L3MBTL3: variants seen among roughly 807,000 people sequenced by gnomAD.
L3MBTL3 encodes the protein L3MBTL histone methyl-lysine binding protein 3.
In L3MBTL3, 27 loss-of-function variants were observed where a neutral mutation model predicts 102.3. The observed-to-expected ratio is 0.26, with a 90% CI of 0.19 to 0.36. The LOEUF (loss-of-function observed/expected upper bound fraction) is 0.36. L3MBTL3 is among the 10% of genes least tolerant of loss of function. L3MBTL3 has a pLI of 1.00. For missense variants in L3MBTL3, 798 were observed against 955.3 expected, an observed-to-expected ratio of 0.84 and a Z score of 2.17; for synonymous variants, 340 against 320.9, an observed-to-expected ratio of 1.06 and a Z score of -0.64.
At chr6:130,064,080 T>C (rs998664024) in intron 10 of L3MBTL3, among the ~76,000 whole-genome samples, 2 of 152,240 alleles carry the variant, frequency 1.3e-5, no homozygotes, top group East Asian at 3.9e-4. Flanking sequence ...TGGCGGTATG[T>C]CATTTTTTCC....
intron 2 of L3MBTL3, 79 bp downstream of exon 2, chr6:130,022,384 A>G (rs1272661731): frequency 1.3e-5 from 2 of 152,156 alleles, no homozygotes; most frequent in African/African-American, 4.8e-5. Flanking sequence ...CAGGAAGGAG[A>G]GTATGAGACT....
intron 8 of L3MBTL3, 76 bp downstream of exon 8, chr6:130,055,331 C>T: frequency 9.4e-7 from 1 of 1,068,958 alleles, no homozygotes; most frequent in South Asian, 1.5e-5. Context: ...AAATTTTAGT[C>T]ATGCCACTTA....
At chr6:130,065,743 CCTT>C (rs2114956747) in intron 10 of L3MBTL3, among the ~76,000 whole-genome samples, 1 of 152,294 alleles carries the variant, frequency 6.6e-6, no homozygotes, top group Admixed American at 6.5e-5. Context: ...GCCTATATGA[CCTT>C]CTAAATCAGA....
intron 22 of L3MBTL3, among the ~76,000 whole-genome samples, chr6:130,135,093 A>ATTTT (rs1787494431): frequency 4.3e-5 from 6 of 139,872 alleles, no homozygotes; most frequent in African/African-American, 1.6e-4. Context: ...TTTTTTTTAA[A>ATTTT]TCGAGATGGA....
chr6:130,067,775 G>T (rs1208707599), intron 11 of L3MBTL3, among the ~76,000 whole-genome samples: 2 of 152,116 alleles, frequency 1.3e-5, no homozygotes. Flanking sequence ...CTTTTTAAAG[G>T]AAATGTTAAC....
chr6:130,037,330 A>G (rs373852494), intron 2 of L3MBTL3, among the ~76,000 whole-genome samples: 1 of 152,200 alleles, frequency 6.6e-6, no homozygotes, highest in East Asian at 1.9e-4. Flanking sequence ...AGATTTTACC[A>G]GAAAAAACAG....
Position 130,092,879 on chromosome 6 carries a change from T to C in L3MBTL3, c.1633+20T>C, listed in dbSNP as rs373179718. 50 of 1,387,680 alleles carry C rather than the reference T, an allele frequency of 3.6e-5. No individual in the cohort carries two copies. In the African/African-American group the frequency reaches 6.0e-4, roughly 17 times the overall value. 86.0% of individuals were successfully genotyped at this position (1,387,680 alleles called of 1,614,324 possible). On this transcript the variant is annotated intron_variant, in intron 17 of 22. Coordinates refer to ENST00000361794, the MANE Select transcript of L3MBTL3 (RefSeq NM_032438.4). ...CTTTGAGTAAGAGACACGAATAGCT[T>C]GTATAAATGTTTCCATTTCCATATG...
intron 20 of L3MBTL3, among the ~76,000 whole-genome samples, chr6:130,128,297 C>A (rs774467408): frequency 7.9e-5 from 12 of 152,024 alleles, no homozygotes; most frequent in Non-Finnish European, 1.8e-4. Flanking sequence ...GAGCTTGGTC[C>A]AGGATTTAAA....
chr6:130,021,223 T>C (rs534733129), intron 1 of L3MBTL3, among the ~76,000 whole-genome samples: 2 of 152,214 alleles, frequency 1.3e-5, no homozygotes, highest in African/African-American at 4.8e-5. Flanking sequence ...GGGAGACCTC[T>C]AGTGGTTGAA....
intron 20 of L3MBTL3, among the ~76,000 whole-genome samples, chr6:130,130,150 C>CTT (rs374806610): frequency 0.093 from 14,182 of 152,218 alleles, 755 homozygotes; most frequent in African/African-American, 0.12. Flanking sequence ...CATGCAGAGG[C>CTT]AACCACAGAC....
At chr6:130,063,159 G>A (rs1278185907) in intron 10 of L3MBTL3, among the ~76,000 whole-genome samples, 4 of 152,134 alleles carry the variant, frequency 2.6e-5, no homozygotes, top group Non-Finnish European at 5.9e-5. Context: ...GTCTTAGGCA[G>A]AAGGAGGAGT....
intron 2 of L3MBTL3, among the ~76,000 whole-genome samples, chr6:130,023,119 G>A (rs1036825201): frequency 4.0e-5 from 6 of 151,298 alleles, no homozygotes; most frequent in Non-Finnish European, 4.4e-5. Flanking sequence ...TGCCCTCTCT[G>A]TCTTGAGTAA....
intron 15 of L3MBTL3, 66 bp downstream of exon 15, chr6:130,083,771 A>G: frequency 1.3e-6 from 1 of 793,426 alleles, no homozygotes; most frequent in Non-Finnish European, 2.1e-6. Context: ...TGAAGAACAG[A>G]ACAAGATGGT....
At chr6:130,043,236 TA>T (rs1780534194) in intron 3 of L3MBTL3, among the ~76,000 whole-genome samples, 1 of 152,194 alleles carries the variant, frequency 6.6e-6, no homozygotes, top group African/African-American at 2.4e-5. Flanking sequence ...AATGTTAAAG[TA>T]TTGAATAAAT....
At chr6:130,113,487 T>G (rs1431354815) in intron 19 of L3MBTL3, among the ~76,000 whole-genome samples, 3 of 152,228 alleles carry the variant, frequency 2.0e-5, no homozygotes, top group Non-Finnish European at 4.4e-5. Context: ...CTATTAAAAA[T>G]CACTTAATGT....
At chr6:130,090,614 G>C (rs1366703107) in intron 16 of L3MBTL3, among the ~76,000 whole-genome samples, 1 of 150,494 alleles carries the variant, frequency 6.6e-6, no homozygotes, top group Non-Finnish European at 1.5e-5. Flanking sequence ...TTCTTTTTTT[G>C]AGACAAGGTC....
At chr6:130,023,950 G>A (rs1451640266) in intron 2 of L3MBTL3, among the ~76,000 whole-genome samples, 3 of 152,128 alleles carry the variant, frequency 2.0e-5, no homozygotes, top group African/African-American at 7.2e-5. Context: ...ACATGGTGCG[G>A]AATACAAAAC....
intron 2 of L3MBTL3, among the ~76,000 whole-genome samples, chr6:130,037,922 T>C (rs1317783423): frequency 6.6e-6 from 1 of 152,116 alleles, no homozygotes; most frequent in Non-Finnish European, 1.5e-5. Context: ...AACCTTTGTC[T>C]ATTGCCTCCC....
intron 2 of L3MBTL3, among the ~76,000 whole-genome samples, chr6:130,029,230 G>A (rs6926355): frequency 0.063 from 9,643 of 152,200 alleles, 837 homozygotes; most frequent in African/African-American, 0.2. Context: ...TTACTTGCAC[G>A]TACATACTCC....
Sources: gnomAD v4.1 joint callset for allele counts (sites outside exome capture counted in the v4.1 genomes callset) on GRCh38, gnomAD v4.1.1 for gene constraint, MANE v1.5 for transcripts, NCBI Gene and HGNC (gene_info 2026-07-23, HGNC 2026-07-21) for gene names.